Variants in WDR36 observed in about 807,000 individuals in gnomAD.
WDR36 encodes the protein WD repeat-containing protein 36.
A neutral mutation model predicts 112.7 loss-of-function variants in WDR36; 63 were observed. The ratio of observed to expected loss-of-function variants is 0.56; its 90% CI spans 0.46 to 0.69. The LOEUF is 0.69. Ranked by LOEUF, WDR36 falls within the 30% of genes least tolerant of loss-of-function variation. The pLI is 0.00. For missense variants in WDR36, 1,226 were observed against 1,070.3 expected (o/e 1.15, Z -2.03); for synonymous variants, 410 against 362.2 (o/e 1.13, Z -1.50).
intron 12 of WDR36, among the ~76,000 whole-genome samples, 195 bp from the exon 13 acceptor site, chr5:111,109,994 A>C (rs1037200566): frequency 6.6e-6 from 1 of 151,498 alleles, no homozygotes; most frequent in Non-Finnish European, 1.5e-5. Flanking sequence ...TTTTTAAAGA[A>C]TGGAGATAGA....
At chr5:111,107,036 A>C (rs1334800001) in intron 11 of WDR36, among the ~76,000 whole-genome samples, 1 of 151,378 alleles carries the variant, frequency 6.6e-6, no homozygotes, top group Non-Finnish European at 1.5e-5. Flanking sequence ...TAGGTATGTT[A>C]ATTAGCTTGA....
chr5:111,096,670 C>T (rs558100210), intron 2 of WDR36, among the ~76,000 whole-genome samples: 1 of 151,816 alleles, frequency 6.6e-6, no homozygotes, highest in Middle Eastern at 3.4e-3. Flanking sequence ...CATCACTGCA[C>T]TCCAGCCTGA....
At chr5:111,118,990 T>A (rs1403852754) in intron 16 of WDR36, 23 bp from the exon 17 acceptor site, 2 of 1,580,388 alleles carry the variant, frequency 1.3e-6, no homozygotes, top group Non-Finnish European at 1.7e-6. Context: ...CAAATACTTT[T>A]AACATGTTAA....
chr5:111,125,328 C>G (rs934506344), intron 21 of WDR36, among the ~76,000 whole-genome samples: 1 of 152,030 alleles, frequency 6.6e-6, no homozygotes, highest in Non-Finnish European at 1.5e-5. Context: ...TTCTAACGTG[C>G]CTGTTGCAAG....
At chr5:111,101,917 A>G (rs1290168773) in intron 5 of WDR36, among the ~76,000 whole-genome samples, 1 of 151,792 alleles carries the variant, frequency 6.6e-6, no homozygotes, top group Non-Finnish European at 1.5e-5. Context: ...TTTATCATTC[A>G]TGACTTGCTT....
rs771002715 is a variant in WDR36, at chr5:111,121,072, G to A, written c.2079G>A (p.Glu693=). 6.2e-7 allele frequency: 1 copy of A among 1,613,546 alleles called. No homozygotes were observed. The highest frequency in any genetic ancestry group is 1.7e-5 in the Admixed American group (1 of 60,012). ...IEYDSPEQLN[E]QLVTLSLLPE... ...ATGATTCGCCAGAACAGTTGAATGAGCAATTGGTGACTCTTTCACTTCTTC... is the reference window on the plus strand; with the variant it reads ...ATGATTCGCCAGAACAGTTGAATGAACAATTGGTGACTCTTTCACTTCTTC... The change falls in exon 19 of 23, where the codon GAG becomes GAA. Residue 693 remains glutamate (E), a synonymous_variant. Coordinates refer to ENST00000513710, the MANE Select transcript of WDR36 (RefSeq NM_139281.3).
intron 2 of WDR36, among the ~76,000 whole-genome samples, chr5:111,096,741 A>T (rs1752992500): frequency 6.6e-6 from 1 of 152,050 alleles, no homozygotes; most frequent in South Asian, 2.1e-4. Flanking sequence ...TCACGTGAAG[A>T]CTGGATGACT....
At chr5:111,111,536 A>G in intron 15 of WDR36, 1 of 398,564 alleles carries the variant, frequency 2.5e-6, no homozygotes, top group Non-Finnish European at 4.7e-6. Flanking sequence ...TATACTTTAG[A>G]GAATGAATGA....
At chr5:111,124,700 A>T (rs574527353) in intron 21 of WDR36, among the ~76,000 whole-genome samples, 1 of 152,204 alleles carries the variant, frequency 6.6e-6, no homozygotes, top group Non-Finnish European at 1.5e-5. Flanking sequence ...GTGATTAGCC[A>T]TAAGAACTGT....
Position 111,106,066 on chromosome 5 carries a change from A to G in WDR36, c.1103A>G (p.Asn368Ser). The G allele has an allele frequency of 6.2e-7, 1 of 1,608,912 alleles. No individual in the cohort carries two copies. Among genetic ancestry groups the G allele is most frequent in the Non-Finnish European group, 8.5e-7 (1 of 1,176,180 alleles). The change falls in exon 11 of 23, where the codon AAT (asparagine) becomes AGT (serine). Residue 368 changes from asparagine to serine, a missense_variant. Coordinates refer to ENST00000513710, the MANE Select transcript of WDR36 (RefSeq NM_139281.3). The part of the protein sequence containing the change: ...FNKSLGHGLI[N>S]KKRVKRKGLQ... ...TTTCCCCCATCCTTAGGATTAATAAATAAAAAGAGAGTTAAACGTAAAGGA... is the reference window on the plus strand; with the variant it reads ...TTTCCCCCATCCTTAGGATTAATAAGTAAAAAGAGAGTTAAACGTAAAGGA...
chr5:111,104,019 G>T (rs1182673189), intron 7 of WDR36, 101 bp downstream of exon 7: 1 of 1,490,344 alleles, frequency 6.7e-7, no homozygotes, highest in Non-Finnish European at 9.2e-7. Flanking sequence ...TCTAATAGAA[G>T]TGAATGAATA....
At chr5:111,124,516 C>T (rs1018182158) in intron 21 of WDR36, among the ~76,000 whole-genome samples, 5 of 151,776 alleles carry the variant, frequency 3.3e-5, no homozygotes, top group African/African-American at 7.3e-5. Context: ...TTTTGTTTGT[C>T]GTTTTTGTAG....
chr5:111,105,945 A>C, intron 10 of WDR36, 112 bp from the exon 11 acceptor site: 1 of 792,660 alleles, frequency 1.3e-6, no homozygotes, highest in East Asian at 2.6e-5. Context: ...TTCTGACTTA[A>C]ATGGGAATAT....
At position 111,123,804 on chromosome 5, in the gene WDR36, G is replaced by A; in HGVS notation, c.2149-1G>A. On this transcript the variant is annotated splice_acceptor_variant, in intron 19 of 22. Transcript: ENST00000513710. LOFTEE classifies it high-confidence loss of function. ...TTTCTTTCTCATTTTCTCTTAATCA[G>A]AAAAAGAATAAACCAAAGGAACCAC... is the stretch of plus-strand genomic sequence containing the variant. The A allele has an allele frequency of 6.2e-7, 1 of 1,613,324 alleles. No homozygotes were observed. Among genetic ancestry groups the A allele is most frequent in the Non-Finnish European group, 8.5e-7 (1 of 1,179,742 alleles).
rs372174536 is a variant in WDR36, at chr5:111,110,196, A to G, written c.1334A>G (p.Asp445Gly). 1 of 1,609,644 alleles carries G rather than the reference A, an allele frequency of 6.2e-7. No homozygotes were observed. Among genetic ancestry groups the G allele is most frequent in the Admixed American group, 1.7e-5 (1 of 59,828 alleles). ...KKDDITATAVDITSCGNFAVI... is the reference protein window; with the variant it reads ...KKDDITATAVGITSCGNFAVI... ...GGGTTTTTTTTCTTAAAGGCAGTGG[A>G]TATAACTTCTTGTGGAAACTTTGCT... Residue 445 changes from aspartate to glycine, a missense_variant, in exon 13 of 23, where the codon GAT (aspartate) becomes GGT (glycine). Coordinates refer to ENST00000513710, the MANE Select transcript of WDR36 (RefSeq NM_139281.3).
At position 111,104,204 on chromosome 5, in the gene WDR36, G is replaced by A. The variant is rs1178942691; in HGVS notation, c.758G>A (p.Ser253Asn). The change falls in exon 8 of 23, where the codon AGC becomes AAC. Residue 253 changes from serine (S) to asparagine (N), a missense_variant. Ser to Asn is a conservative substitution (Grantham distance 46). Transcript: ENST00000513710. ...TDGHPVMAAG[S>N]PCGHIGLWDL... is the part of the protein sequence containing the mutation. ...GGTCATCCAGTAATGGCAGCTGGAA[G>A]CCCATGTGGCCATATTGGACTCTGG... The A allele has an allele frequency of 1.9e-6, 3 of 1,611,432 alleles. No individual in the cohort carries two copies. Among genetic ancestry groups the A allele is most frequent in the East Asian group, 4.5e-5 (2 of 44,822 alleles).
chr5:111,114,768 G>A (rs539096995), intron 16 of WDR36, among the ~76,000 whole-genome samples: 2 of 152,264 alleles, frequency 1.3e-5, no homozygotes, highest in South Asian at 2.1e-4. Flanking sequence ...TTTTCTAAAA[G>A]TTAATGTTAT....
intron 3 of WDR36, among the ~76,000 whole-genome samples, chr5:111,097,639 A>G (rs1753021495): frequency 6.6e-6 from 1 of 152,228 alleles, no homozygotes; most frequent in African/African-American, 2.4e-5. Context: ...GTTTAGAGAA[A>G]GCTAGATTCT....
At chr5:111,120,398 C>G in intron 17 of WDR36, 98 bp from the exon 18 acceptor site, 1 of 955,476 alleles carries the variant, frequency 1.0e-6, no homozygotes, top group Admixed American at 1.9e-5. Context: ...TATTTTTTAA[C>G]TAATAAAAGT....
Sources: allele counts gnomAD v4.1 joint callset (sites outside exome capture counted in the v4.1 genomes callset), GRCh38; gene constraint gnomAD v4.1.1; transcripts MANE v1.5; gene names NCBI Gene and HGNC (gene_info 2026-07-23, HGNC 2026-07-21).